TNFSF18: variants seen among roughly 807,000 people sequenced by gnomAD.
TNFSF18 encodes the protein TNF superfamily member 18, also known as tumor necrosis factor ligand superfamily member 18.
A neutral mutation model predicts 9.6 loss-of-function variants in TNFSF18; 6 were observed. That is an observed-to-expected ratio of 0.63 (90% CI 0.34 to 1.24). TNFSF18 has a LOEUF of 1.24. Among genes scored for constraint, TNFSF18 ranks in the 50% most tolerant of loss-of-function variants. TNFSF18 has a pLI of 0.03. For synonymous variants in TNFSF18, 68 were observed against 71.7 expected, an observed-to-expected ratio of 0.95 and a Z score of 0.26; for missense variants, 210 against 201.0, an observed-to-expected ratio of 1.04 and a Z score of -0.27.
At chr1:173,043,336 A>T (rs1462755412) in intron 2 of TNFSF18, among the ~76,000 whole-genome samples, 6 of 133,322 alleles carry the variant, frequency 4.5e-5, no homozygotes, top group Non-Finnish European at 6.4e-5. Flanking sequence ...AAACAACTTT[A>T]AAAAAAATGT....
At chr1:173,047,038 G>T (rs1665096402) in intron 1 of TNFSF18, among the ~76,000 whole-genome samples, 1 of 151,998 alleles carries the variant, frequency 6.6e-6, no homozygotes, top group African/African-American at 2.4e-5. Flanking sequence ...GACTACAGGT[G>T]CATGCCACCA....
chr1:173,050,073 A>G (rs1252501654), intron 1 of TNFSF18, among the ~76,000 whole-genome samples: 1 of 152,188 alleles, frequency 6.6e-6, no homozygotes, highest in Admixed American at 6.5e-5. Context: ...TGAGTGACTT[A>G]GGCATTTATT....
intron 1 of TNFSF18, 71 bp from the exon 2 acceptor site, chr1:173,044,040 T>A: frequency 7.1e-7 from 1 of 1,413,780 alleles, no homozygotes; most frequent in South Asian, 1.1e-5. Context: ...TTGATTTATT[T>A]AGAGCTTTGA....
intron 1 of TNFSF18, among the ~76,000 whole-genome samples, chr1:173,044,679 A>G (rs957214284): frequency 6.6e-6 from 1 of 152,226 alleles, no homozygotes; most frequent in African/African-American, 2.4e-5. Context: ...TGGTTTCCTA[A>G]TGGCAAAGTG....
At position 173,047,007 on chromosome 1, in the gene TNFSF18, G is replaced by A. The variant is rs1013919304; in HGVS notation, c.157-3038C>T. Among the ~76,000 whole-genome samples the A allele has an allele frequency of 7.3e-5, 11 of 151,680 alleles. No individual in the cohort carries two copies. The East Asian group carries it at 9.7e-4, about 13-fold the overall frequency. ...TCCTGGACTCAACCAATTCTCCCAC[G>A]TCAGCCCCCTGAGTAGCTGGGACTA... On this transcript the variant is annotated intron_variant, in intron 1 of 2. Coordinates refer to ENST00000404377, the MANE Select transcript of TNFSF18 (RefSeq NM_005092.4).
intron 1 of TNFSF18, among the ~76,000 whole-genome samples, chr1:173,045,411 A>C (rs1156965315): frequency 6.6e-6 from 1 of 152,228 alleles, no homozygotes; most frequent in African/African-American, 2.4e-5. Context: ...CTGTTGATAG[A>C]TCAAGTAAGA....
In TNFSF18 at chr1:173,049,843, G is replaced by C. The variant is rs145859731; in HGVS notation, c.156+898C>G. Among the ~76,000 whole-genome samples, 689 of 152,226 alleles carry C rather than the reference G, an allele frequency of 4.5e-3. 5 individuals are homozygous for C. Among genetic ancestry groups the C allele is most frequent in the African/African-American group, 0.016 (652 of 41,536 alleles). ...GCATTTCTTATTTTCTTTTTGATCA[G>C]TGCTACGTAGTTAACTGTGAGGAAA... is the stretch of plus-strand genomic sequence containing the variant. On this transcript the variant is annotated intron_variant, in intron 1 of 2. Transcript: ENST00000404377.
At chr1:173,048,862 ATATT>A (rs1182114918) in intron 1 of TNFSF18, among the ~76,000 whole-genome samples, 1 of 152,164 alleles carries the variant, frequency 6.6e-6, no homozygotes, top group African/African-American at 2.4e-5. Context: ...TTTTCCAGAG[ATATT>A]TATTTGTGGC....
rs1664984862 is a variant in TNFSF18, at chr1:173,041,251, G to A, written c.*116C>T. On this transcript the variant is annotated 3_prime_UTR_variant, in exon 3 of 3. Coordinates refer to ENST00000404377, the MANE Select transcript of TNFSF18 (RefSeq NM_005092.4). ...GAAAATTCACGTGCAGAGGAGTTCT[G>A]TTTGTGTTGATTTTTGTAGACAGAC... 2.3e-6 allele frequency: 2 copies of A among 854,572 alleles called. No homozygotes were observed. Among genetic ancestry groups the A allele is most frequent in the East Asian group, 5.2e-5 (2 of 38,200 alleles). The allele number at this position is 854,572 out of a possible 1,614,324, so 52.9% of individuals were successfully genotyped here. A position where few individuals can be genotyped will look rare whatever the true frequency, so the allele number is the denominator to read the frequency against.
At chr1:173,050,045 G>A (rs1186513270) in intron 1 of TNFSF18, among the ~76,000 whole-genome samples, 1 of 152,028 alleles carries the variant, frequency 6.6e-6, no homozygotes, top group Non-Finnish European at 1.5e-5. Context: ...TCAATCTAAA[G>A]TCATTGTTCC....
chr1:173,050,662 T>A (rs1665155712), intron 1 of TNFSF18, 79 bp downstream of exon 1: 3 of 920,718 alleles, frequency 3.3e-6, no homozygotes, highest in Non-Finnish European at 3.3e-6. Flanking sequence ...CAATACTGAG[T>A]GACAATGATA....
intron 1 of TNFSF18, among the ~76,000 whole-genome samples, chr1:173,046,597 T>C (rs1665088149): frequency 1.3e-5 from 2 of 152,174 alleles, no homozygotes; most frequent in South Asian, 4.1e-4. Context: ...GTAATGTTTA[T>C]GACATATTAA....
intron 2 of TNFSF18, among the ~76,000 whole-genome samples, chr1:173,042,068 C>T (rs1041240554): frequency 2.6e-5 from 4 of 152,080 alleles, no homozygotes; most frequent in Admixed American, 6.6e-5. Flanking sequence ...TTTTGAAAAC[C>T]AGGGTTGGCA....
rs1450418568 is a variant in TNFSF18 at position 173,040,437 on chromosome 1, A to G, written c.*930T>C. ...TAGTCACTTGTCCTATGAGTTGAGG[A>G]AAGTTGGCTATGCTATGCTATCACA... On this transcript the variant is annotated 3_prime_UTR_variant, in exon 3 of 3. Coordinates refer to ENST00000404377, the MANE Select transcript of TNFSF18 (RefSeq NM_005092.4). 1 of 152,200 alleles carries G rather than the reference A, an allele frequency of 6.6e-6. No homozygotes were observed. Among genetic ancestry groups the G allele is most frequent in the African/African-American group, 2.4e-5 (1 of 41,454 alleles). 9.4% of individuals were successfully genotyped at this position (152,200 alleles called of 1,614,324 possible). A position where few individuals can be genotyped will look rare whatever the true frequency, so the allele number is the denominator to read the frequency against.
In TNFSF18 at chr1:173,040,449, G is replaced by T. The variant is rs1341827153; in HGVS notation, c.*918C>A. On this transcript the variant is annotated 3_prime_UTR_variant, in exon 3 of 3. Transcript: ENST00000404377. ...CTATGAGTTGAGGAAAGTTGGCTAT[G>T]CTATGCTATCACATTCTCATCACTA... 6.6e-6 allele frequency: 1 copy of T among 152,162 alleles called. No homozygotes were observed. Among genetic ancestry groups the T allele is most frequent in the Non-Finnish European group, 1.5e-5 (1 of 68,012 alleles). 9.4% of individuals were successfully genotyped at this position (152,162 alleles called of 1,614,324 possible). A position where few individuals can be genotyped will look rare whatever the true frequency, so the allele number is the denominator to read the frequency against.
rs1664987312 is a variant in TNFSF18 at position 173,041,389 on chromosome 1, G to A, written c.512C>T (p.Ala171Val). 3 of 1,609,122 alleles carry A rather than the reference G, an allele frequency of 1.9e-6. No individual in the cohort carries two copies. The highest frequency in any genetic ancestry group is 2.5e-6 in the Non-Finnish European group (3 of 1,177,392). ...NNTYWGIILLANPQFIS is the reference protein window; with the variant it reads ...NNTYWGIILLVNPQFIS ...TCTCTAGGAGATGAATTGGGGATTT[G>A]CTAGTAAAATGATACCCCAGTATGT... is the stretch of plus-strand genomic sequence containing the variant. Residue 171 changes from alanine (A) to valine (V), a missense_variant, in exon 3 of 3, where the codon GCA becomes GTA. By Grantham distance (64) the Ala-to-Val change is moderately conservative (BLOSUM62 0). Transcript: ENST00000404377.
chr1:173,049,170 G>A (rs1665130281), intron 1 of TNFSF18, among the ~76,000 whole-genome samples: 1 of 152,090 alleles, frequency 6.6e-6, no homozygotes, highest in South Asian at 2.1e-4. Context: ...CAGATGATCT[G>A]GCATTATTAG....
intron 1 of TNFSF18, among the ~76,000 whole-genome samples, chr1:173,044,584 A>G (rs1665049238): frequency 6.6e-6 from 1 of 152,230 alleles, no homozygotes. Flanking sequence ...TTACAAACAC[A>G]AGTAGTTAAT....
chr1:173,039,693 G>T lies in TNFSF18; in HGVS notation c.*1674C>A. 6.6e-6 allele frequency among the ~76,000 whole-genome samples: 1 copy of T among 150,892 alleles called. No homozygotes were observed. The highest frequency in any genetic ancestry group is 1.9e-4 in the East Asian group (1 of 5,142). On this transcript the variant is annotated 3_prime_UTR_variant, in exon 3 of 3. Transcript: ENST00000404377. ...TTGCTTATAACACAACAAAGATCAA[G>T]AACACCAAGATTTTATAAGTATACA...
Sources: gnomAD v4.1 joint callset for allele counts (sites outside exome capture counted in the v4.1 genomes callset) on GRCh38, gnomAD v4.1.1 for gene constraint, MANE v1.5 for transcripts, NCBI Gene and HGNC (gene_info 2026-07-23, HGNC 2026-07-21) for gene names.